Variants in ZNF407 observed in about 807,000 individuals in gnomAD.
ZNF407 encodes zinc finger protein 407.
A neutral mutation model predicts 131.2 loss-of-function variants in ZNF407; 17 were observed. The ratio of observed to expected loss-of-function variants is 0.13; its 90% CI spans 0.09 to 0.19. The LOEUF (loss-of-function observed/expected upper bound fraction) is 0.19, where lower values mean the gene tolerates loss of function less well. Ranked by LOEUF, ZNF407 falls within the 10% of genes least tolerant of loss-of-function variation. The probability of loss-of-function intolerance (pLI) is 1.00; values close to 1 mark genes in which losing one functional copy is unlikely to be tolerated. For missense variants in ZNF407, 2,681 were observed against 2,830.6 expected (o/e 0.95, Z 1.20); for synonymous variants, 1,156 against 1,062.0 (o/e 1.09, Z -1.72).
chr18:75,003,456 CA>C (rs948542981), intron 8 of ZNF407, among the ~76,000 whole-genome samples: 5 of 151,878 alleles, frequency 3.3e-5, no homozygotes, highest in Admixed American at 1.3e-4. Context: ...GGATTTGTTT[CA>C]AAAAAAATTG....
intron 8 of ZNF407, among the ~76,000 whole-genome samples, chr18:75,026,817 A>G (rs999298117): frequency 5.3e-5 from 8 of 152,224 alleles, no homozygotes; most frequent in African/African-American, 1.9e-4. Context: ...CTGCTTCTTC[A>G]GAACCTCGTG....
At chr18:74,798,209 A>AACACACACACACGC (rs1969957055) in intron 4 of ZNF407, among the ~76,000 whole-genome samples, 1 of 147,836 alleles carries the variant, frequency 6.8e-6, no homozygotes. Context: ...CCTTTACACA[A>AACACACACACACGC]ACACACACAC....
At chr18:74,767,728 A>G (rs576103107) in intron 3 of ZNF407, among the ~76,000 whole-genome samples, 1 of 139,334 alleles carries the variant, frequency 7.2e-6, no homozygotes, top group East Asian at 2.1e-4. Flanking sequence ...ATTTCGGCTC[A>G]CTGCAAGCTC....
Position 75,063,463 on chromosome 18 carries a change from G to A in ZNF407, c.5742G>A (p.Thr1914=), listed in dbSNP as rs372205671. Residue 1914 remains threonine, a synonymous_variant, in exon 9 of 9, where the codon ACG becomes ACA. Transcript: ENST00000299687. The surrounding 1 kb of genome is among the most constrained non-coding windows in gnomAD (Gnocchi z 6.6). ...CGGAGGATGGCCAGGTCATCGCCAC[G>A]AGTCAGAGCGGGGCACATGTAGGCA... is the stretch of plus-strand genomic sequence containing the variant. ...HITEDGQVIA[T]SQSGAHVGSV... is the part of the protein sequence containing the mutation. 33 of 1,605,300 alleles carry A rather than the reference G, an allele frequency of 2.1e-5. No homozygotes were observed. In the African/African-American group the frequency reaches 2.5e-4, roughly 12 times the overall value.
intron 7 of ZNF407, among the ~76,000 whole-genome samples, chr18:74,919,021 A>AT (rs1216039348): frequency 6.6e-5 from 10 of 152,108 alleles, no homozygotes; most frequent in Non-Finnish European, 1.5e-4. Flanking sequence ...AGAATATGAG[A>AT]TCCCCACTCA....
At chr18:74,964,848 G>A (rs925015271) in intron 8 of ZNF407, among the ~76,000 whole-genome samples, 12 of 152,128 alleles carry the variant, frequency 7.9e-5, no homozygotes, top group Non-Finnish European at 1.6e-4. Context: ...TGGGGTGGGT[G>A]TCTGCTCCCT....
chr18:74,899,367 G>A (rs1166308662), intron 7 of ZNF407, among the ~76,000 whole-genome samples: 1 of 152,152 alleles, frequency 6.6e-6, no homozygotes, highest in Non-Finnish European at 1.5e-5. Context: ...GGATCTGTGG[G>A]CCCAGTGAAT....
chr18:74,750,507 TG>T (rs1251265078), intron 3 of ZNF407, among the ~76,000 whole-genome samples: 7 of 152,216 alleles, frequency 4.6e-5, no homozygotes, highest in Non-Finnish European at 8.8e-5. Flanking sequence ...TCAACTGGCA[TG>T]TTTTCATGAT....
chr18:74,630,987 G>T lies in ZNF407; in HGVS notation c.-33G>T. ...CACAGGTTATGAGTGCCAGTGAGCC[G>T]CCTTAGATAGAAGCATCGTCAGCAC... is the stretch of plus-strand genomic sequence containing the variant. On this transcript the variant is annotated 5_prime_UTR_variant, in exon 2 of 9. Transcript: ENST00000299687. The T allele has an allele frequency of 6.4e-7, 1 of 1,569,340 alleles. No individual in the cohort carries two copies. The highest frequency in any genetic ancestry group is 8.6e-7 in the Non-Finnish European group (1 of 1,162,368).
intron 8 of ZNF407, among the ~76,000 whole-genome samples, chr18:74,936,837 C>T (rs954155787): frequency 1.3e-5 from 2 of 152,014 alleles, no homozygotes; most frequent in African/African-American, 2.4e-5. Flanking sequence ...TTTTATCTGC[C>T]GATGATTTCT....
chr18:74,719,398 CTT>C (rs1250300991), intron 3 of ZNF407, among the ~76,000 whole-genome samples: 1 of 151,804 alleles, frequency 6.6e-6, no homozygotes, highest in Non-Finnish European at 1.5e-5. Context: ...TACTTACTTA[CTT>C]ACTTACTTAT....
chr18:74,992,886 G>A (rs745559100), intron 8 of ZNF407, among the ~76,000 whole-genome samples: 2 of 152,150 alleles, frequency 1.3e-5, no homozygotes, highest in South Asian at 2.1e-4. Context: ...GCTAATCATC[G>A]CCAGTTTTTA....
At chr18:74,778,164 C>A (rs991350891) in intron 3 of ZNF407, among the ~76,000 whole-genome samples, 1 of 152,202 alleles carries the variant, frequency 6.6e-6, no homozygotes, top group Non-Finnish European at 1.5e-5. Context: ...GCTATTCTCA[C>A]CCGCCCTCTT....
chr18:74,818,593 C>T (rs1457231005), intron 4 of ZNF407, among the ~76,000 whole-genome samples: 1 of 152,158 alleles, frequency 6.6e-6, no homozygotes, highest in Non-Finnish European at 1.5e-5. Flanking sequence ...AGCGAAGCTC[C>T]TTTTACACAC....
At chr18:74,664,560 A>G (rs1390722860) in intron 3 of ZNF407, among the ~76,000 whole-genome samples, 1 of 152,226 alleles carries the variant, frequency 6.6e-6, no homozygotes, top group Admixed American at 6.5e-5. Flanking sequence ...CACATGAAGT[A>G]TTTTAGTCAC....
intron 4 of ZNF407, among the ~76,000 whole-genome samples, chr18:74,781,798 C>T (rs1046417572): frequency 1.3e-5 from 2 of 151,972 alleles, no homozygotes; most frequent in African/African-American, 2.4e-5. Context: ...AAAATGCATT[C>T]GAGTGTGATA....
In ZNF407 at chr18:74,871,342, G is replaced by A. The variant is rs373482050; in HGVS notation, c.4878-5855G>A. Among the ~76,000 whole-genome samples, 5 of 152,072 alleles carry A rather than the reference G, an allele frequency of 3.3e-5. No individual in the cohort carries two copies. The East Asian group carries it at 7.7e-4, about 23-fold the overall frequency. On this transcript the variant is annotated intron_variant, in intron 4 of 8. Transcript: ENST00000299687. The stretch of plus-strand genomic sequence containing the variant: ...TTAAATTATTATCTTGAAAAAAGAA[G>A]GCTTTTATTTCAAAGAAACTGCCTG...
chr18:74,915,694 AGT>A (rs148897853), intron 7 of ZNF407, among the ~76,000 whole-genome samples: 195 of 5,834 alleles, frequency 0.033, 12 homozygotes, highest in African/African-American at 0.096. Context: ...TCGAATCGGG[AGT>A]GTGTGTGTGT....
intron 3 of ZNF407, among the ~76,000 whole-genome samples, chr18:74,736,334 C>CT (rs1253816867): frequency 6.6e-6 from 1 of 152,022 alleles, no homozygotes; most frequent in Non-Finnish European, 1.5e-5. Context: ...TTATAAAGGG[C>CT]TTTCTACATT....
Sources: allele counts gnomAD v4.1 joint callset (sites outside exome capture counted in the v4.1 genomes callset), GRCh38; gene constraint gnomAD v4.1.1; non-coding constraint Gnocchi (gnomAD v3.1); transcripts MANE v1.5; gene names NCBI Gene and HGNC (gene_info 2026-07-23, HGNC 2026-07-21).